The following NTM variants were observed in gnomAD, a reference collection of about 807,000 sequenced individuals.
NTM encodes neurotrimin, also known as IgLON family member 2.
Under a neutral mutation model 42.1 loss-of-function variants are expected in NTM, and 13 were observed. That is an observed-to-expected ratio of 0.31 (90% CI 0.20 to 0.49). The LOEUF is 0.49. NTM is among the 20% of genes least tolerant of loss of function. NTM has a pLI of 0.99. For synonymous variants in NTM, 187 were observed against 179.2 expected (o/e 1.04, Z -0.35); for missense variants, 373 against 452.8 (o/e 0.82, Z 1.60).
intron 1 of NTM, among the ~76,000 whole-genome samples, chr11:131,407,270 A>G (rs1428486549): frequency 6.6e-6 from 1 of 152,206 alleles, no homozygotes; most frequent in African/African-American, 2.4e-5. Context: ...AGATTCAGTA[A>G]GTTTTCACCT....
At chr11:131,948,534 A>G (rs911308004) in intron 2 of NTM, among the ~76,000 whole-genome samples, 3 of 152,258 alleles carry the variant, frequency 2.0e-5, no homozygotes, top group African/African-American at 4.8e-5. Context: ...GTGTTCCTCA[A>G]AGCTGACCTG....
intron 2 of NTM, among the ~76,000 whole-genome samples, chr11:131,950,392 A>T (rs934796477): frequency 6.6e-6 from 1 of 151,872 alleles, no homozygotes; most frequent in South Asian, 2.1e-4. Flanking sequence ...TCTTACCTCC[A>T]CTATCTCTGT....
chr11:131,559,302 G>C (rs1019870482), intron 1 of NTM, among the ~76,000 whole-genome samples: 3 of 152,138 alleles, frequency 2.0e-5, no homozygotes, highest in Non-Finnish European at 4.4e-5. Flanking sequence ...AGTATTTATT[G>C]TGTTACACAC....
chr11:131,783,190 A>C (rs187401678), intron 1 of NTM, among the ~76,000 whole-genome samples: 12 of 152,308 alleles, frequency 7.9e-5, no homozygotes, highest in African/African-American at 2.6e-4. Context: ...TTGGCAACCA[A>C]TTGGAAAATT....
chr11:131,678,819 A>G (rs901858084), intron 1 of NTM, among the ~76,000 whole-genome samples: 1 of 152,170 alleles, frequency 6.6e-6, no homozygotes, highest in Admixed American at 6.5e-5. Context: ...AGGCATGGCC[A>G]GAAGCGAGGC....
intron 2 of NTM, among the ~76,000 whole-genome samples, chr11:132,083,021 C>T (rs1274444974): frequency 2.0e-5 from 3 of 152,016 alleles, no homozygotes; most frequent in African/African-American, 7.2e-5. Flanking sequence ...TTGATTTTCC[C>T]AAAAAAGAAA....
chr11:131,724,299 A>C (rs2135423821), intron 1 of NTM, among the ~76,000 whole-genome samples: 1 of 152,116 alleles, frequency 6.6e-6, no homozygotes, highest in Middle Eastern at 3.4e-3. Flanking sequence ...CCAGGAAGTA[A>C]AATTATTATT....
intron 2 of NTM, among the ~76,000 whole-genome samples, chr11:132,069,663 C>T (rs1224259465): frequency 4.7e-5 from 7 of 149,872 alleles, no homozygotes; most frequent in Admixed American, 1.3e-4. Context: ...CAAGTTAACA[C>T]GTCACACTGA....
intron 3 of NTM, among the ~76,000 whole-genome samples, chr11:132,206,067 C>A (rs1263666438): frequency 2.0e-5 from 3 of 152,190 alleles, no homozygotes; most frequent in African/African-American, 7.2e-5. Context: ...CTCTCCAATC[C>A]ATCCCTTGCT....
intron 1 of NTM, among the ~76,000 whole-genome samples, chr11:131,397,100 A>T (rs1944646397): frequency 6.6e-6 from 1 of 152,190 alleles, no homozygotes; most frequent in South Asian, 2.1e-4. Context: ...TTGTCTTGTC[A>T]AGTGACATGC....
intron 1 of NTM, among the ~76,000 whole-genome samples, chr11:131,776,850 A>G (rs972437325): frequency 6.6e-6 from 1 of 152,156 alleles, no homozygotes; most frequent in African/African-American, 2.4e-5. Context: ...CCAGCCAGCC[A>G]AAGAAGGAAG....
intron 2 of NTM, among the ~76,000 whole-genome samples, chr11:132,045,107 A>G (rs1326496522): frequency 6.6e-6 from 1 of 152,236 alleles, no homozygotes; most frequent in Non-Finnish European, 1.5e-5. Flanking sequence ...ATCCTTGATG[A>G]ACATCAATGC....
At position 132,169,320 on chromosome 11, in the gene NTM, C is replaced by CTTTT. The variant is rs567723794; in HGVS notation, c.400+22835_400+22838dup. Among the ~76,000 whole-genome samples the CTTTT allele has an allele frequency of 5.1e-3, 165 of 32,360 alleles. 46 individuals are homozygous for CTTTT. Among genetic ancestry groups the CTTTT allele is most frequent in the African/African-American group, 0.014 (120 of 8,660 alleles). The allele number at this position is 32,360 out of a possible 152,430, so 21.2% of individuals were successfully genotyped here. The stretch of plus-strand genomic sequence containing the variant: ...GTGATATCTAGGTTTAATTTTTTTA[C>CTTTT]TTTTTTTTTTTTTTTTTTTTTTTTT... On this transcript the variant is annotated intron_variant, in intron 3 of 8. Coordinates refer to ENST00000683400, the MANE Select transcript of NTM (RefSeq NM_001352005.2).
intron 2 of NTM, among the ~76,000 whole-genome samples, chr11:131,967,892 TGA>T (rs927294152): frequency 1.3e-5 from 2 of 152,200 alleles, no homozygotes; most frequent in Admixed American, 6.5e-5. Flanking sequence ...GTTCAGAATC[TGA>T]GAGGGAATTT....
intron 1 of NTM, among the ~76,000 whole-genome samples, chr11:131,593,909 C>T (rs2059598264): frequency 6.6e-6 from 1 of 152,124 alleles, no homozygotes; most frequent in Non-Finnish European, 1.5e-5. Context: ...CATTTTATTT[C>T]CCCCTTGTGG....
chr11:131,756,307 G>A (rs1032499107), intron 1 of NTM, among the ~76,000 whole-genome samples: 3 of 152,152 alleles, frequency 2.0e-5, no homozygotes, highest in Admixed American at 1.3e-4. Flanking sequence ...AATTGCAGGC[G>A]GGGCGTGGTG....
intron 1 of NTM, among the ~76,000 whole-genome samples, chr11:131,708,203 T>A (rs2076776428): frequency 6.6e-6 from 1 of 152,264 alleles, no homozygotes; most frequent in East Asian, 1.9e-4. Flanking sequence ...AATACCCTTA[T>A]ATATAAAGAA....
At chr11:132,118,707 C>T (rs1322673480) in intron 2 of NTM, among the ~76,000 whole-genome samples, 3 of 152,214 alleles carry the variant, frequency 2.0e-5, no homozygotes, top group Non-Finnish European at 4.4e-5. Context: ...ATATAAATCT[C>T]TGGCACCCCC....
At chr11:132,072,055 C>G (rs1268260672) in intron 2 of NTM, among the ~76,000 whole-genome samples, 2 of 152,046 alleles carry the variant, frequency 1.3e-5, no homozygotes, top group Non-Finnish European at 2.9e-5. Context: ...GGTATGTTTC[C>G]TACTAATAAA....
Sources: gnomAD v4.1 joint callset for allele counts (sites outside exome capture counted in the v4.1 genomes callset) on GRCh38, gnomAD v4.1.1 for gene constraint, MANE v1.5 for transcripts, NCBI Gene and HGNC (gene_info 2026-07-23, HGNC 2026-07-21) for gene names.